The following CUL3 variants were observed in gnomAD, a reference collection of about 807,000 sequenced individuals.
CUL3 encodes the protein cullin 3.
In CUL3, 19 loss-of-function variants were observed where a neutral mutation model predicts 89.1. The observed-to-expected ratio is 0.21, with a 90% CI of 0.15 to 0.31. The LOEUF is 0.31. Among genes scored for constraint, CUL3 ranks in the 10% least tolerant of loss-of-function variants. The pLI, the probability that CUL3 is intolerant of heterozygous loss-of-function variation, is 1.00. For synonymous variants in CUL3, 351 were observed against 308.4 expected, an observed-to-expected ratio of 1.14 and a Z score of -1.45; for missense variants, 469 against 942.3, an observed-to-expected ratio of 0.50 and a Z score of 6.58.
chr2:224,513,143 T>C (rs1004767209), intron 5 of CUL3, among the ~76,000 whole-genome samples: 1 of 152,220 alleles, frequency 6.6e-6, no homozygotes, highest in Non-Finnish European at 1.5e-5. Flanking sequence ...ATACAAAATA[T>C]ATGCTAATCA....
chr2:224,505,816 T>C (rs1458386163), intron 8 of CUL3, 140 bp downstream of exon 8: 4 of 474,344 alleles, frequency 8.4e-6, no homozygotes, highest in Admixed American at 8.4e-5. Context: ...TCAAACAATA[T>C]TTTTTAATAG....
intron 1 of CUL3, among the ~76,000 whole-genome samples, chr2:224,567,351 G>A (rs1344977469): frequency 6.6e-6 from 1 of 152,122 alleles, no homozygotes; most frequent in Non-Finnish European, 1.5e-5. Flanking sequence ...CTGAGCAGCT[G>A]GGACTACCGT....
chr2:224,494,516 A>T (rs1323236945), intron 13 of CUL3, among the ~76,000 whole-genome samples: 1 of 152,208 alleles, frequency 6.6e-6, no homozygotes, highest in South Asian at 2.1e-4. Flanking sequence ...TGACTGCACT[A>T]TCAAGACAGC....
At chr2:224,510,241 T>C (rs537233127) in intron 6 of CUL3, among the ~76,000 whole-genome samples, 4 of 151,604 alleles carry the variant, frequency 2.6e-5, no homozygotes, top group Non-Finnish European at 4.4e-5. Context: ...TTTTTGGCTT[T>C]TACAAAAAAG....
intron 1 of CUL3, among the ~76,000 whole-genome samples, chr2:224,568,757 C>T (rs1320171749): frequency 9.9e-5 from 15 of 152,106 alleles, no homozygotes. Context: ...CCTTCAGAAG[C>T]AGATCAATAA....
rs886055697 is a variant in CUL3, at chr2:224,535,602, G to T, written c.304C>A (p.Leu102Ile). The T allele has an allele frequency of 6.2e-7, 1 of 1,613,298 alleles. No homozygotes were observed. The highest frequency in any genetic ancestry group is 8.5e-7 in the Non-Finnish European group (1 of 1,179,590). The change falls in exon 3 of 16, where the codon CTT becomes ATT. Residue 102 changes from leucine to isoleucine, a missense_variant. By Grantham distance (5) the Leu-to-Ile change is conservative (BLOSUM62 2). This residue lies in a region of CUL3 where 370 missense variants were observed against 733.2 expected (regional missense o/e 0.50). Coordinates refer to ENST00000264414, the MANE Select transcript of CUL3 (RefSeq NM_003590.5). Reference sequence around the variant, plus strand: ...TTCCAAGCTTGATTTAGCGTTTGAAGAAAGTTGTTATTCAATGAATTTAGT... The same window carrying T: ...TTCCAAGCTTGATTTAGCGTTTGAATAAAGTTGTTATTCAATGAATTTAGT... ...DVLNSLNNNF[L>I]QTLNQAWNDH...
intron 15 of CUL3, among the ~76,000 whole-genome samples, chr2:224,476,029 A>C (rs1191165987): frequency 7.0e-6 from 1 of 143,010 alleles, no homozygotes; most frequent in African/African-American, 2.7e-5. Flanking sequence ...ATTTTTTATT[A>C]GTTTTTTTTT....
intron 13 of CUL3, among the ~76,000 whole-genome samples, chr2:224,487,501 A>G (rs1437859032): frequency 6.8e-6 from 1 of 148,006 alleles, no homozygotes; most frequent in East Asian, 2.0e-4. Context: ...ATAAAAAAAG[A>G]CAAAGAAGGG....
intron 1 of CUL3, among the ~76,000 whole-genome samples, chr2:224,578,498 A>G (rs1289865070): frequency 6.6e-6 from 1 of 152,108 alleles, no homozygotes; most frequent in Admixed American, 6.5e-5. Context: ...GTACATTTAG[A>G]TAATTATCAA....
intron 6 of CUL3, among the ~76,000 whole-genome samples, chr2:224,508,961 C>CA (rs3081932): frequency 0.013 from 1,437 of 112,854 alleles, 56 homozygotes; most frequent in Middle Eastern, 0.023. Context: ...GACTTCGTCT[C>CA]AAAAAAAAAA....
intron 2 of CUL3, among the ~76,000 whole-genome samples, chr2:224,554,201 T>C (rs1417840725): frequency 6.6e-6 from 1 of 152,208 alleles, no homozygotes. Flanking sequence ...CCAACTCCTA[T>C]GAAGCTATCT....
rs1374741060 is a variant in CUL3, at chr2:224,511,523, T to C, written c.714A>G (p.Glu238=). The C allele has an allele frequency of 6.2e-7, 1 of 1,613,714 alleles. No individual in the cohort carries two copies. The highest frequency in any genetic ancestry group is 1.3e-5 in the African/African-American group (1 of 75,036). Residue 238 remains glutamate, a synonymous_variant, in exon 6 of 16, where the codon GAA becomes GAG. Coordinates refer to ENST00000264414, the MANE Select transcript of CUL3 (RefSeq NM_003590.5). ...GTTCTATTTCTTCATTAATTCTAGCTTCTACTTTCTTTATATATACTGAAG... is the reference window on the plus strand; with the variant it reads ...GTTCTATTTCTTCATTAATTCTAGCCTCTACTTTCTTTATATATACTGAAG... ...NSASVYIKKV[E]ARINEEIERV... is the part of the protein sequence containing the mutation.
intron 8 of CUL3, among the ~76,000 whole-genome samples, chr2:224,505,458 C>T (rs1692563223): frequency 6.6e-6 from 1 of 152,020 alleles, no homozygotes; most frequent in Non-Finnish European, 1.5e-5. Context: ...TTTTTTGAGA[C>T]AAGGTCTTGC....
chr2:224,531,451 C>T (rs1693694441), intron 3 of CUL3, among the ~76,000 whole-genome samples: 1 of 150,926 alleles, frequency 6.6e-6, no homozygotes, highest in Non-Finnish European at 1.5e-5. Flanking sequence ...AAAAAACATA[C>T]AATATAACTC....
intron 15 of CUL3, chr2:224,474,601 A>G (rs1173920664): frequency 2.2e-6 from 1 of 458,606 alleles, no homozygotes; most frequent in African/African-American, 1.9e-5. Flanking sequence ...TAGCAGTTGA[A>G]TAATTGAATT....
chr2:224,551,475 G>A (rs1320441322), intron 2 of CUL3, among the ~76,000 whole-genome samples: 1 of 151,764 alleles, frequency 6.6e-6, no homozygotes, highest in African/African-American at 2.4e-5. Flanking sequence ...AAAGTGCTGG[G>A]ATTACAGGTG....
chr2:224,580,571 C>A (rs1405950408), intron 1 of CUL3, among the ~76,000 whole-genome samples: 1 of 152,140 alleles, frequency 6.6e-6, no homozygotes, highest in East Asian at 1.9e-4. Flanking sequence ...GTAGTCCCAG[C>A]TACTTGGGAG....
At chr2:224,541,266 A>T (rs1229988760) in intron 2 of CUL3, among the ~76,000 whole-genome samples, 1 of 152,174 alleles carries the variant, frequency 6.6e-6, no homozygotes, top group African/African-American at 2.4e-5. Flanking sequence ...CAAATAATTT[A>T]AAAATGAGCA....
intron 15 of CUL3, among the ~76,000 whole-genome samples, chr2:224,475,161 G>A (rs950833148): frequency 4.6e-5 from 7 of 152,100 alleles, no homozygotes; most frequent in African/African-American, 1.7e-4. Context: ...GGGACTACAG[G>A]CGCCCACCAC....
Sources: gnomAD v4.1 joint callset for allele counts (sites outside exome capture counted in the v4.1 genomes callset) on GRCh38, gnomAD v4.1.1 for gene constraint, gnomAD v4.1.1 regional missense constraint, MANE v1.5 for transcripts, NCBI Gene and HGNC (gene_info 2026-07-23, HGNC 2026-07-21) for gene names.